COX7B2: variants seen among roughly 807,000 people sequenced by gnomAD.
The protein encoded by COX7B2 is cytochrome c oxidase subunit 7B2, mitochondrial.
For synonymous variants in COX7B2, 37 were observed against 32.1 expected (o/e 1.15, Z -0.51); for missense variants, 109 against 95.9 (o/e 1.14, Z -0.57).
chr4:46,901,345 C>A (rs1250993697), intron 1 of COX7B2, among the ~76,000 whole-genome samples: 2 of 152,314 alleles, frequency 1.3e-5, no homozygotes, highest in East Asian at 1.9e-4. Context: ...CATAAATCAT[C>A]CTATTGTCCT....
intron 1 of COX7B2, among the ~76,000 whole-genome samples, chr4:46,879,262 C>G (rs963643280): frequency 3.9e-5 from 6 of 152,064 alleles, no homozygotes; most frequent in African/African-American, 1.4e-4. Flanking sequence ...CAAGTAGCCT[C>G]TAGTCTTCCA....
chr4:46,790,569 A>T (rs1375602834), intron 2 of COX7B2, among the ~76,000 whole-genome samples: 1 of 152,210 alleles, frequency 6.6e-6, no homozygotes, highest in African/African-American at 2.4e-5. Context: ...TAAGATAAAG[A>T]CAATTAGAGT....
chr4:46,885,017 A>T (rs768008955), intron 1 of COX7B2, among the ~76,000 whole-genome samples: 2 of 152,102 alleles, frequency 1.3e-5, no homozygotes, highest in Non-Finnish European at 2.9e-5. Context: ...TGTATTGTAA[A>T]AAAGAAATGC....
At chr4:46,821,129 T>G (rs1020402644) in intron 2 of COX7B2, among the ~76,000 whole-genome samples, 1 of 152,172 alleles carries the variant, frequency 6.6e-6, no homozygotes, top group African/African-American at 2.4e-5. Context: ...TGCTCCGAAT[T>G]CAGTCTCAAA....
chr4:46,896,814 G>C (rs1719790092), intron 1 of COX7B2, among the ~76,000 whole-genome samples: 1 of 151,966 alleles, frequency 6.6e-6, no homozygotes, highest in African/African-American at 2.4e-5. Context: ...AACTGAAAGA[G>C]AAGGAGAATG....
chr4:46,739,594 G>A (rs984477786), intron 2 of COX7B2, among the ~76,000 whole-genome samples: 8 of 152,060 alleles, frequency 5.3e-5, no homozygotes, highest in African/African-American at 1.9e-4. Context: ...AGAGGAGGGG[G>A]CGTTTTATCC....
In COX7B2 at chr4:46,836,793, T is replaced by C. The variant is rs563889350; in HGVS notation, c.-50+8167A>G. 1.3e-5 allele frequency among the ~76,000 whole-genome samples: 2 copies of C among 152,230 alleles called. 1 individual carries two copies. The highest frequency in any genetic ancestry group is 4.8e-5 in the African/African-American group (2 of 41,566). On this transcript the variant is annotated intron_variant, in intron 2 of 2. Coordinates refer to ENST00000355591, the MANE Select transcript of COX7B2 (RefSeq NM_130902.3). ...AAAAGGTAAGTAATGCATTGCACTA[T>C]GACATTATGACTGTTACAATGTCAC...
At chr4:46,789,251 A>G (rs528479328) in intron 2 of COX7B2, among the ~76,000 whole-genome samples, 2 of 152,236 alleles carry the variant, frequency 1.3e-5, no homozygotes, top group South Asian at 2.1e-4. Flanking sequence ...TTAATTGTCT[A>G]CCTGAATTGT....
At chr4:46,814,341 C>T (rs150463404) in intron 2 of COX7B2, among the ~76,000 whole-genome samples, 2 of 152,212 alleles carry the variant, frequency 1.3e-5, no homozygotes, top group African/African-American at 2.4e-5. Flanking sequence ...ATACAAAATT[C>T]GGCTTTCCAG....
chr4:46,899,571 G>A (rs1050500001), intron 1 of COX7B2, among the ~76,000 whole-genome samples: 4 of 152,020 alleles, frequency 2.6e-5, no homozygotes, highest in South Asian at 2.1e-4. Flanking sequence ...GTGCTTTTTC[G>A]CCAATGAGAG....
At chr4:46,810,412 T>A (rs1159558011) in intron 2 of COX7B2, among the ~76,000 whole-genome samples, 1 of 152,074 alleles carries the variant, frequency 6.6e-6, no homozygotes, top group East Asian at 1.9e-4. Flanking sequence ...AACTTTTGTT[T>A]CTTTTATCTT....
At chr4:46,796,062 C>G (rs1215521543) in intron 2 of COX7B2, among the ~76,000 whole-genome samples, 1 of 107,288 alleles carries the variant, frequency 9.3e-6, no homozygotes, top group African/African-American at 4.2e-5. Context: ...TATCCTGAGA[C>G]TTTGCTGAAG....
intron 2 of COX7B2, among the ~76,000 whole-genome samples, chr4:46,752,658 C>T (rs1715468985): frequency 6.6e-6 from 1 of 152,256 alleles, no homozygotes; most frequent in African/African-American, 2.4e-5. Context: ...AAAGCCTTTT[C>T]TCCATCTATT....
rs545682156 is a variant in COX7B2 at position 46,856,631 on chromosome 4, A to G, written c.-104-11617T>C. 1.7e-4 allele frequency among the ~76,000 whole-genome samples: 26 copies of G among 152,216 alleles called. No homozygotes were observed. The South Asian group carries it at 4.8e-3, about 28-fold the overall frequency. ...GGGACACTGCCCCTGCCCCAACCCC[A>G]AATAGAAACTACAGTTTTTCATCCT... On this transcript the variant is annotated intron_variant, in intron 1 of 2. Coordinates refer to ENST00000355591, the MANE Select transcript of COX7B2 (RefSeq NM_130902.3).
At chr4:46,783,708 T>G (rs574543156) in intron 2 of COX7B2, among the ~76,000 whole-genome samples, 1 of 151,550 alleles carries the variant, frequency 6.6e-6, no homozygotes, top group South Asian at 2.1e-4. Flanking sequence ...GCAAATGATA[T>G]GAACAAAAGT....
At chr4:46,789,471 T>C (rs530369542) in intron 2 of COX7B2, among the ~76,000 whole-genome samples, 1 of 152,332 alleles carries the variant, frequency 6.6e-6, no homozygotes, top group East Asian at 1.9e-4. Flanking sequence ...ATTTTTGAGT[T>C]GTCTGTTAAT....
intron 2 of COX7B2, among the ~76,000 whole-genome samples, chr4:46,754,910 G>T (rs1429302970): frequency 2.0e-5 from 3 of 150,310 alleles, no homozygotes; most frequent in East Asian, 2.0e-4. Flanking sequence ...TTTTTTAATT[G>T]TGCAGGAGTG....
intron 2 of COX7B2, among the ~76,000 whole-genome samples, chr4:46,813,542 C>T (rs990753844): frequency 2.0e-5 from 3 of 152,096 alleles, no homozygotes; most frequent in Admixed American, 1.3e-4. Context: ...ACATCGCACA[C>T]TGGGGCCTGT....
intron 2 of COX7B2, among the ~76,000 whole-genome samples, chr4:46,766,251 T>A (rs1944585032): frequency 6.6e-6 from 1 of 152,252 alleles, no homozygotes; most frequent in South Asian, 2.1e-4. Context: ...AATATTCTTT[T>A]ATTGTAATGG....
Sources: gnomAD v4.1 joint callset for allele counts (sites outside exome capture counted in the v4.1 genomes callset) on GRCh38, gnomAD v4.1.1 for gene constraint, MANE v1.5 for transcripts, NCBI Gene and HGNC (gene_info 2026-07-23, HGNC 2026-07-21) for gene names.